Variants in IQCE observed in about 807,000 individuals in gnomAD.
The protein encoded by IQCE is IQ domain-containing protein E.
IQCE carries 115 observed loss-of-function variants against 96.0 expected under a neutral mutation model. The ratio of observed to expected loss-of-function variants is 1.20; its 90% CI spans 1.03 to 1.40. The LOEUF (loss-of-function observed/expected upper bound fraction) is 1.40. Ranked by LOEUF, IQCE falls within the 40% of genes most tolerant of loss-of-function variation. IQCE has a pLI of 0.00. For synonymous variants in IQCE, 412 were observed against 371.2 expected, an observed-to-expected ratio of 1.11 and a Z score of -1.26; for missense variants, 1,041 against 909.1, an observed-to-expected ratio of 1.15 and a Z score of -1.87.
chr7:2,586,524 C>T (rs1019548093), intron 12 of IQCE, among the ~76,000 whole-genome samples, 153 bp downstream of exon 12: 4 of 152,228 alleles, frequency 2.6e-5, no homozygotes, highest in African/African-American at 4.8e-5. Context: ...CAGCACCTGC[C>T]GCGGGCCACG....
chr7:2,594,889 G>A lies in IQCE; in HGVS notation c.1353G>A (p.Glu451=). The change falls in exon 16 of 22, where the codon GAG becomes GAA. Residue 451 remains glutamate (E), a synonymous_variant. Coordinates refer to ENST00000402050, the MANE Select transcript of IQCE (RefSeq NM_152558.5). ...ERREREEVLR[E]EIQTLTSKLQ... is the part of the protein sequence containing the mutation. ...ATCTTTTCCCTTTCCGCCTTAGAGA[G>A]GAGATTCAGACACTTACCAGCAAGC... is the stretch of plus-strand genomic sequence containing the variant. 1 of 1,610,364 alleles carries A rather than the reference G, an allele frequency of 6.2e-7. No homozygotes were observed. The highest frequency in any genetic ancestry group is 8.5e-7 in the Non-Finnish European group (1 of 1,176,528).
chr7:2,578,432 G>T lies in IQCE; in HGVS notation c.580-44G>T, dbSNP rs1266227692. Reference sequence around the variant, plus strand: ...CATCTGCCAGCCAGCCCTGCTGGGGGCTACACCGAAGGCCGTCTTCATGTC... The same window carrying T: ...CATCTGCCAGCCAGCCCTGCTGGGGTCTACACCGAAGGCCGTCTTCATGTC... On this transcript the variant is annotated intron_variant, in intron 7 of 21. Coordinates refer to ENST00000402050, the MANE Select transcript of IQCE (RefSeq NM_152558.5). The T allele has an allele frequency of 4.4e-6, 7 of 1,588,754 alleles. No homozygotes were observed. The Admixed American group carries it at 8.7e-5, about 20-fold the overall frequency.
At chr7:2,596,486 C>T (rs1784052162) in intron 16 of IQCE, among the ~76,000 whole-genome samples, 1 of 149,000 alleles carries the variant, frequency 6.7e-6, no homozygotes, top group East Asian at 2.0e-4. Flanking sequence ...TTTTCCTACT[C>T]AGGAAACATT....
At chr7:2,593,543 G>A (rs1202462540) in intron 15 of IQCE, among the ~76,000 whole-genome samples, 3 of 152,258 alleles carry the variant, frequency 2.0e-5, no homozygotes, top group East Asian at 1.9e-4. Context: ...CCCTGAGGTC[G>A]ACCACGCGTA....
rs769673723 is a variant in IQCE at position 2,578,347 on chromosome 7, C to A, written c.571C>A (p.Pro191Thr). ...KDRQIEQLLD[P>T]SRGTDFVRTL... ...CCGGCAGATAGAGCAGCTCCTGGAT[C>A]CCAGCCGCGTAAGCTCCTGGCGCTT... Residue 191 changes from proline to threonine, a missense_variant, in exon 7 of 22, where the codon CCC (proline) becomes ACC (threonine). Transcript: ENST00000402050. 1 of 1,613,936 alleles carries A rather than the reference C, an allele frequency of 6.2e-7. No homozygotes were observed. Among genetic ancestry groups the A allele is most frequent in the South Asian group, 1.1e-5 (1 of 91,082 alleles).
chr7:2,574,393 C>T (rs545560612), intron 6 of IQCE, among the ~76,000 whole-genome samples: 10 of 152,306 alleles, frequency 6.6e-5, no homozygotes, highest in Admixed American at 1.3e-4. Context: ...CAAAAGACAG[C>T]GCCTTCTCTG....
At chr7:2,568,769 T>C (rs938821389) in intron 2 of IQCE, among the ~76,000 whole-genome samples, 185 bp from the exon 3 acceptor site, 4 of 152,090 alleles carry the variant, frequency 2.6e-5, no homozygotes, top group African/African-American at 9.7e-5. Context: ...CTGACGTGAG[T>C]GCATTTTTGT....
chr7:2,583,959 G>T (rs1193053443), intron 10 of IQCE, among the ~76,000 whole-genome samples: 1 of 108,302 alleles, frequency 9.2e-6, no homozygotes, highest in Non-Finnish European at 1.9e-5. Flanking sequence ...GGGCGGCGGG[G>T]CGGAGGGCGG....
intron 3 of IQCE, among the ~76,000 whole-genome samples, chr7:2,569,728 G>A (rs192567767): frequency 2.2e-4 from 33 of 152,314 alleles, no homozygotes; most frequent in African/African-American, 7.0e-4. Flanking sequence ...ATCTGTAGAT[G>A]TGTGTCTATT....
intron 1 of IQCE, among the ~76,000 whole-genome samples, chr7:2,562,301 T>TATATATATATAA (rs1554301266): frequency 2.0e-5 from 3 of 151,602 alleles, no homozygotes; most frequent in African/African-American, 7.3e-5. Flanking sequence ...TATATATATA[T>TATATATATATAA]AAAATCCTTT....
At chr7:2,608,010 T>C (rs1380110094) in intron 21 of IQCE, among the ~76,000 whole-genome samples, 3 of 151,648 alleles carry the variant, frequency 2.0e-5, no homozygotes, top group Non-Finnish European at 4.4e-5. Flanking sequence ...GTCTCCAGGG[T>C]GGAGTCAGGG....
rs187313969 is a variant in IQCE at position 2,576,958 on chromosome 7, C to T, written c.466-1284C>T. Among the ~76,000 whole-genome samples, 235 of 152,256 alleles carry T rather than the reference C, an allele frequency of 1.5e-3. 1 individual carries two copies. The highest frequency in any genetic ancestry group is 5.4e-3 in the African/African-American group (224 of 41,544). On this transcript the variant is annotated intron_variant, in intron 6 of 21. Transcript: ENST00000402050. ...GCGGTATTCGTTTAGGCGCGCATTC[C>T]GTGGGACGGGGTTTCTCATCACGGG...
At chr7:2,607,449 C>A (rs1784920731) in intron 21 of IQCE, 3 of 1,319,064 alleles carry the variant, frequency 2.3e-6, no homozygotes, top group African/African-American at 3.1e-5. Context: ...TGCCGAGGTC[C>A]TTGCTGTCTT....
At chr7:2,581,445 A>T in intron 8 of IQCE, among the ~76,000 whole-genome samples, 2 of 152,198 alleles carry the variant, frequency 1.3e-5, no homozygotes, top group Admixed American at 1.3e-4. Context: ...ACCTCAGGCA[A>T]TCTGGCTGCC....
chr7:2,592,089 A>G (rs1783641606), intron 14 of IQCE, among the ~76,000 whole-genome samples: 1 of 151,694 alleles, frequency 6.6e-6, no homozygotes, highest in African/African-American at 2.4e-5. Context: ...GCCCGGCCCT[A>G]CAGGTGATCT....
In IQCE at chr7:2,592,388, T is replaced by C. The variant is rs542083852; in HGVS notation, c.1245-634T>C. 7.4e-5 allele frequency among the ~76,000 whole-genome samples: 10 copies of C among 135,202 alleles called. No homozygotes were observed. The South Asian group carries it at 1.8e-3, about 25-fold the overall frequency. 88.7% of individuals were successfully genotyped at this position (135,202 alleles called of 152,430 possible). ...ACTTCTGGAAGGATCTGTGATGCTG[T>C]CAAGTGGCGTGACAAGAGCCACCTC... On this transcript the variant is annotated intron_variant, in intron 14 of 21. Transcript: ENST00000402050.
chr7:2,586,234 C>T lies in IQCE; in HGVS notation c.851C>T (p.Ala284Val), dbSNP rs1783099355. 1 of 1,613,908 alleles carries T rather than the reference C, an allele frequency of 6.2e-7. No individual in the cohort carries two copies. The highest frequency in any genetic ancestry group is 8.5e-7 in the Non-Finnish European group (1 of 1,179,944). Reference protein sequence around the residue: ...KKPLGEKKTGAKRQKKMGSAL... With the variant: ...KKPLGEKKTGVKRQKKMGSAL... The stretch of plus-strand genomic sequence containing the variant: ...CCCCTGGGGGAGAAGAAGACGGGCG[C>T]CAAAAGGCAGAAGAAGATGGGCAGT... Residue 284 changes from alanine to valine, a missense_variant, in exon 12 of 22, where the codon GCC becomes GTC. Physicochemically the swap from Ala to Val is moderately conservative, Grantham distance 64. Coordinates refer to ENST00000402050, the MANE Select transcript of IQCE (RefSeq NM_152558.5).
At position 2,584,068 on chromosome 7, in the gene IQCE, G is replaced by C. The variant is rs1782908490; in HGVS notation, c.775-168G>C. ...CCGAGCCCAGGTGGCCCAGAGCTGT[G>C]CTCCTGGAGCCTGCTCCTGCTTCAG... On this transcript the variant is annotated intron_variant, in intron 10 of 21. Transcript: ENST00000402050. 2.0e-5 allele frequency among the ~76,000 whole-genome samples: 3 copies of C among 152,058 alleles called. No individual in the cohort carries two copies. In the South Asian group the frequency reaches 6.2e-4, roughly 31 times the overall value.
In IQCE at chr7:2,610,585, G is replaced by A; in HGVS notation, c.*423G>A. ...GTGACACCCTCAACAACCAGGATTTGCTCGATCTCAGCCCAGCAGGCCAGG... is the reference window on the plus strand; with the variant it reads ...GTGACACCCTCAACAACCAGGATTTACTCGATCTCAGCCCAGCAGGCCAGG... On this transcript the variant is annotated 3_prime_UTR_variant, in exon 22 of 22. Coordinates refer to ENST00000402050, the MANE Select transcript of IQCE (RefSeq NM_152558.5). 1 of 190,794 alleles carries A rather than the reference G, an allele frequency of 5.2e-6. No homozygotes were observed. Among genetic ancestry groups the A allele is most frequent in the Non-Finnish European group, 1.1e-5 (1 of 91,680 alleles). The allele number at this position is 190,794 out of a possible 1,614,324, so 11.8% of individuals were successfully genotyped here.
Sources: allele counts gnomAD v4.1 joint callset (sites outside exome capture counted in the v4.1 genomes callset), GRCh38; gene constraint gnomAD v4.1.1; transcripts MANE v1.5; gene names NCBI Gene and HGNC (gene_info 2026-07-23, HGNC 2026-07-21).